CCDC178: variants seen among roughly 807,000 people sequenced by gnomAD.
The protein encoded by CCDC178 is coiled-coil domain containing 178.
Under a neutral mutation model 117.4 loss-of-function variants are expected in CCDC178, and 126 were observed. The observed-to-expected ratio is 1.07, with a 90% CI of 0.93 to 1.24. The LOEUF (loss-of-function observed/expected upper bound fraction) is 1.24, where lower values mean the gene tolerates loss of function less well. CCDC178 is among the 50% of genes most tolerant of loss of function. The probability of loss-of-function intolerance (pLI) is 0.00; values close to 1 mark genes in which losing one functional copy is unlikely to be tolerated. For missense variants in CCDC178, 1,030 were observed against 986.9 expected (o/e 1.04, Z -0.59); for synonymous variants, 283 against 313.4 (o/e 0.90, Z 1.02).
At chr18:33,302,874 G>T (rs2062195655) in intron 11 of CCDC178, among the ~76,000 whole-genome samples, 1 of 152,090 alleles carries the variant, frequency 6.6e-6, no homozygotes, top group Non-Finnish European at 1.5e-5. Flanking sequence ...TAGGAGAAAG[G>T]GGGGATAGAC....
intron 4 of CCDC178, among the ~76,000 whole-genome samples, chr18:33,394,145 T>C (rs2063599616): frequency 6.6e-6 from 1 of 151,986 alleles, no homozygotes; most frequent in Non-Finnish European, 1.5e-5. Context: ...TTATATTACA[T>C]TACATAAAAC....
chr18:33,333,426 T>C, intron 9 of CCDC178, 32 bp from the exon 10 acceptor site: 1 of 1,112,914 alleles, frequency 9.0e-7, no homozygotes, highest in Non-Finnish European at 1.3e-6. Flanking sequence ...CAAAAGAAAA[T>C]CTGATTGGAG....
At chr18:33,113,870 G>A (rs538584520) in intron 20 of CCDC178, among the ~76,000 whole-genome samples, 1 of 152,092 alleles carries the variant, frequency 6.6e-6, no homozygotes, top group South Asian at 2.1e-4. Flanking sequence ...CCTTAGTGGT[G>A]GTTTAGATTC....
chr18:33,310,995 A>G (rs1283521641), intron 11 of CCDC178, among the ~76,000 whole-genome samples: 2 of 152,106 alleles, frequency 1.3e-5, no homozygotes, highest in Non-Finnish European at 1.5e-5. Flanking sequence ...GGTACTCTAT[A>G]TGTATGTTCT....
At chr18:33,426,643 A>T (rs937941662) in intron 2 of CCDC178, among the ~76,000 whole-genome samples, 9 of 152,130 alleles carry the variant, frequency 5.9e-5, no homozygotes, top group Non-Finnish European at 1.3e-4. Flanking sequence ...GTTTCCTTTT[A>T]CTTCTCACTA....
intron 9 of CCDC178, among the ~76,000 whole-genome samples, chr18:33,335,034 G>C (rs2062720978): frequency 1.3e-5 from 2 of 151,886 alleles, no homozygotes; most frequent in South Asian, 4.2e-4. Flanking sequence ...CATTCTCACT[G>C]TGTTTTTTGT....
intron 20 of CCDC178, among the ~76,000 whole-genome samples, chr18:33,100,794 C>T (rs2057614645): frequency 1.3e-5 from 2 of 151,948 alleles, no homozygotes; most frequent in African/African-American, 2.4e-5. Flanking sequence ...TAAAGAAAAC[C>T]TTACACAAAT....
chr18:33,112,725 A>T (rs1003930196), intron 20 of CCDC178, among the ~76,000 whole-genome samples: 3 of 151,866 alleles, frequency 2.0e-5, no homozygotes, highest in Non-Finnish European at 2.9e-5. Flanking sequence ...GGGGAACAAG[A>T]TCAGCACTTG....
intron 2 of CCDC178, among the ~76,000 whole-genome samples, chr18:33,415,108 G>A (rs1242865737): frequency 6.6e-6 from 1 of 152,184 alleles, no homozygotes; most frequent in Non-Finnish European, 1.5e-5. Flanking sequence ...TGGTGGGACT[G>A]TAAACTAGTT....
chr18:33,299,773 G>GA (rs71159813), intron 11 of CCDC178, among the ~76,000 whole-genome samples: 112,964 of 141,310 alleles, frequency 0.8, 45,011 homozygotes, highest in South Asian at 0.91. Context: ...CATCTCAACA[G>GA]AAAAAAAAAA....
chr18:32,999,182 A>G (rs1271553680), intron 21 of CCDC178, among the ~76,000 whole-genome samples: 1 of 152,088 alleles, frequency 6.6e-6, no homozygotes, highest in Non-Finnish European at 1.5e-5. Context: ...TTGAGTGAAG[A>G]CTGGCAGTAG....
chr18:33,176,319 T>C (rs1042305728), intron 20 of CCDC178, among the ~76,000 whole-genome samples: 5 of 152,178 alleles, frequency 3.3e-5, no homozygotes, highest in African/African-American at 4.8e-5. Context: ...CCTGAACTCA[T>C]TGACACACCC....
chr18:33,223,205 T>G lies in CCDC178; in HGVS notation c.1833A>C (p.Ile611=), dbSNP rs554814335. The G allele has an allele frequency of 1.2e-6, 2 of 1,601,064 alleles. No individual in the cohort carries two copies. Among genetic ancestry groups the G allele is most frequent in the Non-Finnish European group, 1.7e-6 (2 of 1,174,154 alleles). The change falls in exon 18 of 23, where the codon ATA becomes ATC. Residue 611 remains isoleucine, a synonymous_variant. Transcript: ENST00000383096. ...DKEHSVMLNN[I]IDQKDLIRRK... is the part of the protein sequence containing the mutation. ...TTCTAATAAGATCTTTCTGATCAAT[T>G]ATATTATTAAGCATCTAGAAGACAT...
At chr18:32,959,331 T>C (rs1205333892) in intron 22 of CCDC178, among the ~76,000 whole-genome samples, 2 of 152,136 alleles carry the variant, frequency 1.3e-5, no homozygotes, top group African/African-American at 2.4e-5. Context: ...TAAGAACCTA[T>C]GAGACTCTGT....
intron 10 of CCDC178, among the ~76,000 whole-genome samples, chr18:33,325,876 T>C (rs2062577943): frequency 6.6e-6 from 1 of 152,226 alleles, no homozygotes; most frequent in Admixed American, 6.5e-5. Flanking sequence ...CAAGTTAAAG[T>C]GTACAATTCA....
chr18:33,063,767 C>T (rs1598843405), intron 21 of CCDC178, among the ~76,000 whole-genome samples: 1 of 152,176 alleles, frequency 6.6e-6, no homozygotes, highest in African/African-American at 2.4e-5. Flanking sequence ...CCCCTGTATA[C>T]CACCTGGAGT....
intron 12 of CCDC178, 65 bp from the exon 13 acceptor site, chr18:33,267,362 A>C (rs2059832016): frequency 6.7e-6 from 6 of 889,308 alleles, no homozygotes; most frequent in Non-Finnish European, 1.0e-5. Context: ...TAAGGTAAAA[A>C]ATAAATTAAT....
chr18:32,949,925 GT>G (rs1171013406), intron 22 of CCDC178, among the ~76,000 whole-genome samples: 3 of 152,096 alleles, frequency 2.0e-5, no homozygotes, highest in Admixed American at 6.6e-5. Flanking sequence ...AATTTGTTAG[GT>G]GGGAATAGAA....
chr18:33,179,806 T>C (rs565210991), intron 20 of CCDC178, among the ~76,000 whole-genome samples: 2 of 152,180 alleles, frequency 1.3e-5, no homozygotes, highest in South Asian at 4.1e-4. Context: ...TAGCTTTTTC[T>C]GGACCTCTAA....
Sources: gnomAD v4.1 joint callset for allele counts (sites outside exome capture counted in the v4.1 genomes callset) on GRCh38, gnomAD v4.1.1 for gene constraint, MANE v1.5 for transcripts, NCBI Gene and HGNC (gene_info 2026-07-23, HGNC 2026-07-21) for gene names.